TIAM1: variants seen among roughly 807,000 people sequenced by gnomAD.
The protein encoded by TIAM1 is rho guanine nucleotide exchange factor TIAM1.
In TIAM1, 65 loss-of-function variants were observed where a neutral mutation model predicts 163.5. The ratio of observed to expected loss-of-function variants is 0.40; its 90% confidence interval spans 0.33 to 0.49. TIAM1 has a LOEUF of 0.49. TIAM1 is among the 20% of genes least tolerant of loss of function. TIAM1 has a pLI of 0.77. For missense variants in TIAM1, 1,789 were observed against 2,044.7 expected (o/e 0.87, Z 2.41); for synonymous variants, 833 against 810.1 (o/e 1.03, Z -0.48).
At chr21:31,492,733 A>T (rs2046510058) in intron 1 of TIAM1, among the ~76,000 whole-genome samples, 1 of 151,448 alleles carries the variant, frequency 6.6e-6, no homozygotes. Flanking sequence ...AATCTTGGCA[A>T]AATAAACTTT....
chr21:31,453,484 G>A (rs906123831), intron 2 of TIAM1, among the ~76,000 whole-genome samples: 34 of 151,924 alleles, frequency 2.2e-4, no homozygotes, highest in African/African-American at 7.0e-4. Flanking sequence ...ACCCGAGCTC[G>A]GGAGTTCGAG....
chr21:31,368,182 C>T (rs1440057180), intron 2 of TIAM1, among the ~76,000 whole-genome samples: 2 of 152,178 alleles, frequency 1.3e-5, no homozygotes, highest in South Asian at 2.1e-4. Context: ...ATTTTAACTT[C>T]ATCAAAGGTT....
At chr21:31,199,412 T>C (rs1031497301) in intron 12 of TIAM1, among the ~76,000 whole-genome samples, 1 of 151,684 alleles carries the variant, frequency 6.6e-6, no homozygotes, top group African/African-American at 2.4e-5. Flanking sequence ...CACCATCTCC[T>C]GCATCCCCTC....
At chr21:31,143,484 A>G (rs1388623199) in intron 20 of TIAM1, among the ~76,000 whole-genome samples, 1 of 151,476 alleles carries the variant, frequency 6.6e-6, no homozygotes, top group Non-Finnish European at 1.5e-5. Context: ...ACACACGTAT[A>G]TTTTATTAGA....
At chr21:31,217,841 C>T (rs2087309304) in intron 8 of TIAM1, 142 bp from the exon 9 acceptor site, 1 of 911,966 alleles carries the variant, frequency 1.1e-6, no homozygotes, top group South Asian at 2.2e-5. Context: ...CTAAAGTATT[C>T]AATCCATGAC....
intron 2 of TIAM1, among the ~76,000 whole-genome samples, chr21:31,321,515 G>A (rs1408650436): frequency 1.3e-5 from 2 of 150,160 alleles, no homozygotes; most frequent in Non-Finnish European, 3.0e-5. Context: ...ACCATACCCA[G>A]CTAATATTGT....
chr21:31,183,491 C>T (rs1016380818), intron 14 of TIAM1, among the ~76,000 whole-genome samples: 2 of 152,100 alleles, frequency 1.3e-5, no homozygotes, highest in African/African-American at 2.4e-5. Context: ...TAATTTTATA[C>T]ACCAATATGG....
In TIAM1 at chr21:31,442,222, G is replaced by A. The variant is rs533021274; in HGVS notation, c.-369+21761C>T. Among the ~76,000 whole-genome samples the A allele has an allele frequency of 8.6e-4, 128 of 148,018 alleles. 1 individual carries two copies. The highest frequency in any genetic ancestry group is 3.0e-3 in the African/African-American group (122 of 40,046). ...GGACAATTACTAAGACGTAACGTCA[G>A]GAGTAGGGAGTTTTTTTTTTTTTTT... is the stretch of plus-strand genomic sequence containing the variant. On this transcript the variant is annotated intron_variant, in intron 2 of 28. Transcript: ENST00000286827.
intron 16 of TIAM1, chr21:31,160,339 T>C (rs989784665): frequency 2.5e-6 from 1 of 397,480 alleles, no homozygotes; most frequent in Non-Finnish European, 4.4e-6. Context: ...TACGGGGAAA[T>C]GGGAAAGGTG....
chr21:31,534,779 T>C (rs968074509), intron 1 of TIAM1, among the ~76,000 whole-genome samples: 2 of 151,976 alleles, frequency 1.3e-5, no homozygotes, highest in Admixed American at 6.6e-5. Context: ...CCTAAAAGAG[T>C]AATCATTGTG....
chr21:31,321,792 C>T (rs534899118), intron 2 of TIAM1, among the ~76,000 whole-genome samples: 55 of 152,232 alleles, frequency 3.6e-4, no homozygotes, highest in South Asian at 8.3e-4. Flanking sequence ...GGCACGGTGG[C>T]TCACACCTGT....
intron 20 of TIAM1, among the ~76,000 whole-genome samples, chr21:31,145,683 A>G (rs1411508444): frequency 6.6e-6 from 1 of 152,228 alleles, no homozygotes; most frequent in African/African-American, 2.4e-5. Context: ...GCAGTTTTCA[A>G]GGATAACTGA....
intron 2 of TIAM1, among the ~76,000 whole-genome samples, chr21:31,311,174 T>G (rs919879294): frequency 3.1e-3 from 97 of 31,352 alleles, no homozygotes; most frequent in Admixed American, 4.2e-3. Flanking sequence ...TTTGTTTTGT[T>G]TTTTTTTTTG....
At chr21:31,492,049 GTATA>G (rs146054323) in intron 1 of TIAM1, among the ~76,000 whole-genome samples, 1 of 151,658 alleles carries the variant, frequency 6.6e-6, no homozygotes, top group African/African-American at 2.4e-5. Flanking sequence ...ATATATGTGT[GTATA>G]TATATATGTG....
intron 2 of TIAM1, among the ~76,000 whole-genome samples, chr21:31,335,647 G>C (rs970695047): frequency 6.6e-6 from 1 of 151,066 alleles, no homozygotes; most frequent in African/African-American, 2.5e-5. Flanking sequence ...GGAGGTTGCA[G>C]TGAGCCGAGA....
intron 12 of TIAM1, among the ~76,000 whole-genome samples, chr21:31,201,356 G>A (rs929261994): frequency 2.0e-5 from 3 of 152,168 alleles, no homozygotes; most frequent in African/African-American, 4.8e-5. Flanking sequence ...ACTGATTTAA[G>A]TGATAGTTGG....
At chr21:31,167,088 C>CTTTTT (rs72031739) in intron 15 of TIAM1, among the ~76,000 whole-genome samples, 1 of 125,102 alleles carries the variant, frequency 8.0e-6, no homozygotes, top group East Asian at 2.3e-4. Flanking sequence ...AAAGGATTTC[C>CTTTTT]TTTTTTTTTT....
intron 2 of TIAM1, 129 bp from the exon 3 acceptor site, chr21:31,277,037 T>C (rs2073328570): frequency 6.6e-6 from 1 of 152,310 alleles, no homozygotes; most frequent in Non-Finnish European, 1.5e-5. Context: ...TGAAATACTG[T>C]CAGAGACGTT....
At chr21:31,434,036 G>A (rs890816270) in intron 2 of TIAM1, among the ~76,000 whole-genome samples, 7 of 151,962 alleles carry the variant, frequency 4.6e-5, no homozygotes, top group Admixed American at 6.6e-5. Flanking sequence ...GAGCTCAAGC[G>A]ATCCACCCAC....
Sources: allele counts gnomAD v4.1 joint callset (sites outside exome capture counted in the v4.1 genomes callset), GRCh38; gene constraint gnomAD v4.1.1; transcripts MANE v1.5; gene names NCBI Gene and HGNC (gene_info 2026-07-23, HGNC 2026-07-21).